CTNNA3: variants seen among roughly 807,000 people sequenced by gnomAD.
The protein encoded by CTNNA3 is catenin alpha 3.
Under a neutral mutation model 95.7 loss-of-function variants are expected in CTNNA3, and 76 were observed. The ratio of observed to expected loss-of-function variants is 0.79; its 90% confidence interval spans 0.66 to 0.96. The LOEUF (loss-of-function observed/expected upper bound fraction) is 0.96, where lower values mean the gene tolerates loss of function less well. Ranked by LOEUF, CTNNA3 falls within the 40% of genes least tolerant of loss-of-function variation. CTNNA3 has a pLI of 0.00. For missense variants in CTNNA3, 1,191 were observed against 1,089.8 expected, an observed-to-expected ratio of 1.09 and a Z score of -1.31; for synonymous variants, 431 against 374.4, an observed-to-expected ratio of 1.15 and a Z score of -1.74.
At chr10:66,061,364 A>T (rs1355075883) in intron 15 of CTNNA3, among the ~76,000 whole-genome samples, 4 of 152,236 alleles carry the variant, frequency 2.6e-5, no homozygotes, top group Middle Eastern at 6.8e-3. Flanking sequence ...CTGCTGATAC[A>T]GTACTTTCTA....
intron 5 of CTNNA3, among the ~76,000 whole-genome samples, chr10:67,468,950 G>A (rs1847707367): frequency 6.6e-6 from 1 of 152,108 alleles, no homozygotes; most frequent in South Asian, 2.1e-4. Flanking sequence ...TTGTTTTGAT[G>A]AGAACTTGCA....
chr10:66,623,705 T>C (rs986240827), intron 9 of CTNNA3, among the ~76,000 whole-genome samples: 3 of 137,262 alleles, frequency 2.2e-5, no homozygotes, highest in Non-Finnish European at 3.3e-5. Context: ...CTGTCAAAGT[T>C]ACTAGGTAAT....
intron 7 of CTNNA3, among the ~76,000 whole-genome samples, chr10:67,032,311 T>C (rs1449974166): frequency 6.6e-6 from 1 of 152,138 alleles, no homozygotes; most frequent in East Asian, 1.9e-4. Context: ...TATGCAGAGG[T>C]AACTGACATA....
At chr10:67,310,064 ATGTTATTTCTTGCACAGTTCAGAGTG>A (rs1840722970) in intron 5 of CTNNA3, among the ~76,000 whole-genome samples, 1 of 152,186 alleles carries the variant, frequency 6.6e-6, no homozygotes, top group Admixed American at 6.5e-5. Flanking sequence ...ATAACCAAGA[ATGTTATTTCTTGCACAGTTCAGAGTG>A]ATAGAAGGGT....
chr10:66,473,666 T>A (rs1276725528), intron 11 of CTNNA3, among the ~76,000 whole-genome samples: 3 of 151,870 alleles, frequency 2.0e-5, no homozygotes, highest in Non-Finnish European at 2.9e-5. Context: ...CCCTCCTGCC[T>A]CCCCCCACTC....
At chr10:67,663,436 C>T (rs1007724684) in intron 1 of CTNNA3, among the ~76,000 whole-genome samples, 3 of 151,658 alleles carry the variant, frequency 2.0e-5, no homozygotes, top group Non-Finnish European at 4.4e-5. Flanking sequence ...CAAGTGCGGT[C>T]CCCAGTCAGT....
chr10:66,197,336 C>CTCCA, intron 13 of CTNNA3, among the ~76,000 whole-genome samples: 1 of 148,166 alleles, frequency 6.7e-6, no homozygotes, highest in Admixed American at 6.8e-5. Flanking sequence ...CAATCCAAAT[C>CTCCA]TCTATCTATC....
rs1198925758 is a variant in CTNNA3 at position 66,543,911 on chromosome 10, GTATA to G, written c.1375-23142_1375-23139del. Among the ~76,000 whole-genome samples, 10 of 16,208 alleles carry G rather than the reference GTATA, an allele frequency of 6.2e-4. 1 individual carries two copies. The highest frequency in any genetic ancestry group is 9.5e-4 in the Admixed American group (1 of 1,050). The allele number at this position is 16,208 out of a possible 152,430, so 10.6% of individuals were successfully genotyped here. ...AATCCTTCTTGAGATGTGTGTGTGT[GTATA>G]TATATATATATATATATATATATAT... is the stretch of plus-strand genomic sequence containing the variant. On this transcript the variant is annotated intron_variant, in intron 10 of 17. Coordinates refer to ENST00000433211, the MANE Select transcript of CTNNA3 (RefSeq NM_013266.4).
intron 7 of CTNNA3, among the ~76,000 whole-genome samples, chr10:66,852,153 A>G (rs1843521955): frequency 6.6e-6 from 1 of 152,150 alleles, no homozygotes; most frequent in Non-Finnish European, 1.5e-5. Context: ...CTCAATTCAA[A>G]TGGTCATGCA....
chr10:67,227,221 A>G (rs1433194663), intron 5 of CTNNA3, among the ~76,000 whole-genome samples: 1 of 151,694 alleles, frequency 6.6e-6, no homozygotes, highest in Non-Finnish European at 1.5e-5. Flanking sequence ...CCTCCCAAGT[A>G]GCTAGGATTA....
intron 7 of CTNNA3, among the ~76,000 whole-genome samples, chr10:66,929,203 T>C (rs1043177467): frequency 1.2e-4 from 18 of 152,244 alleles, no homozygotes; most frequent in African/African-American, 4.1e-4. Context: ...GAGGTTTCAC[T>C]GCCAATTTCT....
chr10:67,628,250 CAAA>C (rs199962864), intron 2 of CTNNA3, among the ~76,000 whole-genome samples: 1 of 121,616 alleles, frequency 8.2e-6, no homozygotes, highest in Admixed American at 8.3e-5. Context: ...GAGTAAACTG[CAAA>C]AAAAAAAAAA....
Position 66,772,147 on chromosome 10 carries a change from C to T in CTNNA3, c.1128+3297G>A, listed in dbSNP as rs114148834. Reference sequence around the variant, plus strand: ...CATCAGAAAACAGGTTAATGTGGGCCAGGCCTGGTGGCTCACACCTGTAAT... The same window carrying T: ...CATCAGAAAACAGGTTAATGTGGGCTAGGCCTGGTGGCTCACACCTGTAAT... On this transcript the variant is annotated intron_variant, in intron 8 of 17. Transcript: ENST00000433211. 4.6e-3 allele frequency among the ~76,000 whole-genome samples: 702 copies of T among 152,154 alleles called. 5 individuals are homozygous for T. Among genetic ancestry groups the T allele is most frequent in the African/African-American group, 0.017 (685 of 41,504 alleles).
At chr10:66,404,681 T>TAG (rs1465935870) in intron 11 of CTNNA3, among the ~76,000 whole-genome samples, 43 of 152,264 alleles carry the variant, frequency 2.8e-4, no homozygotes, top group Admixed American at 2.5e-3. Flanking sequence ...AGGTCAGACT[T>TAG]CTCCAACCTG....
chr10:66,083,758 T>C (rs536045839), intron 14 of CTNNA3, among the ~76,000 whole-genome samples: 128 of 152,234 alleles, frequency 8.4e-4, no homozygotes, highest in South Asian at 5.2e-3. Flanking sequence ...AATATAAGTA[T>C]AGGTAGCCAA....
intron 1 of CTNNA3, among the ~76,000 whole-genome samples, chr10:67,748,550 C>T (rs1228133822): frequency 3.9e-5 from 6 of 152,088 alleles, no homozygotes; most frequent in African/African-American, 7.2e-5. Context: ...AACAAGCAAA[C>T]GTTGAGGGAA....
chr10:66,408,505 C>T (rs1255058675), intron 11 of CTNNA3, among the ~76,000 whole-genome samples: 1 of 152,104 alleles, frequency 6.6e-6, no homozygotes, highest in African/African-American at 2.4e-5. Flanking sequence ...ATATTCTCTT[C>T]AGTATCCTTC....
intron 10 of CTNNA3, among the ~76,000 whole-genome samples, chr10:66,567,669 C>T (rs1842755300): frequency 6.6e-6 from 1 of 152,082 alleles, no homozygotes; most frequent in Non-Finnish European, 1.5e-5. Flanking sequence ...AATTTCATTT[C>T]CCTTAACAGC....
chr10:66,241,633 A>ACCCCCCCCCCCCCCCCCCC (rs2090111591), intron 13 of CTNNA3, among the ~76,000 whole-genome samples: 1 of 88,806 alleles, frequency 1.1e-5, no homozygotes, highest in African/African-American at 4.3e-5. Flanking sequence ...ACATCCCCCC[A>ACCCCCCCCCCCCCCCCCCC]CCCCCAGCCC....
Sources: allele counts gnomAD v4.1 joint callset (sites outside exome capture counted in the v4.1 genomes callset), GRCh38; gene constraint gnomAD v4.1.1; transcripts MANE v1.5; gene names NCBI Gene and HGNC (gene_info 2026-07-23, HGNC 2026-07-21).